SMYD3: variants seen among roughly 807,000 people sequenced by gnomAD.
SMYD3 encodes histone-lysine N-methyltransferase SMYD3.
In SMYD3, 36 loss-of-function variants were observed where a neutral mutation model predicts 57.7. The ratio of observed to expected loss-of-function variants is 0.62; its 90% CI spans 0.48 to 0.82. The LOEUF (loss-of-function observed/expected upper bound fraction) is 0.82. Ranked by LOEUF, SMYD3 falls within the 40% of genes least tolerant of loss-of-function variation. The probability of loss-of-function intolerance (pLI) is 0.00; values close to 1 mark genes in which losing one functional copy is unlikely to be tolerated. For synonymous variants in SMYD3, 211 were observed against 195.0 expected (o/e 1.08, Z -0.68); for missense variants, 515 against 538.8 (o/e 0.96, Z 0.44).
intron 10 of SMYD3, among the ~76,000 whole-genome samples, chr1:245,829,580 G>A (rs2049715063): frequency 6.6e-6 from 1 of 152,130 alleles, no homozygotes; most frequent in South Asian, 2.1e-4. Context: ...AAAGCAGTTT[G>A]GCAGTTCCTC....
At chr1:246,342,346 T>C (rs2065646030) in intron 2 of SMYD3, among the ~76,000 whole-genome samples, 2 of 152,174 alleles carry the variant, frequency 1.3e-5, no homozygotes, top group African/African-American at 4.8e-5. Flanking sequence ...CCACGCAACT[T>C]GCAGGAAATA....
intron 5 of SMYD3, among the ~76,000 whole-genome samples, chr1:246,002,334 GC>G (rs1490564918): frequency 1.5e-5 from 1 of 65,844 alleles, no homozygotes; most frequent in South Asian, 5.2e-4. Flanking sequence ...GCAGGCTCCC[GC>G]CACCACGCCC....
chr1:246,443,974 C>T (rs888521222), intron 1 of SMYD3, among the ~76,000 whole-genome samples: 1 of 152,154 alleles, frequency 6.6e-6, no homozygotes, highest in Admixed American at 6.6e-5. Context: ...CCACCCATCA[C>T]CACCACAGAC....
intron 1 of SMYD3, among the ~76,000 whole-genome samples, chr1:246,414,466 G>C (rs1229086936): frequency 6.6e-6 from 1 of 152,118 alleles, no homozygotes; most frequent in Non-Finnish European, 1.5e-5. Flanking sequence ...TCTCTACAAG[G>C]TTAAGGTTTG....
chr1:245,762,705 C>T (rs988773642), intron 11 of SMYD3, among the ~76,000 whole-genome samples: 4 of 152,206 alleles, frequency 2.6e-5, no homozygotes, highest in Non-Finnish European at 4.4e-5. Context: ...GGCTAGCATT[C>T]GGCGAAAATG....
intron 5 of SMYD3, among the ~76,000 whole-genome samples, chr1:246,210,314 A>G (rs760270823): frequency 1.3e-5 from 2 of 152,214 alleles, no homozygotes; most frequent in African/African-American, 2.4e-5. Context: ...AGAGATGCCA[A>G]GCTCTTAAGT....
intron 5 of SMYD3, among the ~76,000 whole-genome samples, chr1:245,931,993 T>C (rs189730676): frequency 4.8e-4 from 73 of 152,364 alleles, no homozygotes; most frequent in African/African-American, 1.6e-3. Flanking sequence ...TGTCTATATA[T>C]ACTTATGTAT....
intron 5 of SMYD3, among the ~76,000 whole-genome samples, chr1:246,107,028 G>T (rs1040790526): frequency 1.3e-5 from 2 of 152,086 alleles, no homozygotes; most frequent in Admixed American, 1.3e-4. Flanking sequence ...GGCCGGGCAC[G>T]GTGGCTCACG....
At chr1:246,429,490 A>C (rs1358373516) in intron 1 of SMYD3, among the ~76,000 whole-genome samples, 1 of 152,216 alleles carries the variant, frequency 6.6e-6, no homozygotes, top group Non-Finnish European at 1.5e-5. Flanking sequence ...ATAAAACAAA[A>C]ATATGAAGTG....
rs368850689 is a variant in SMYD3 at position 245,810,226 on chromosome 1, C to T, written c.1077-46077G>A. Among the ~76,000 whole-genome samples the T allele has an allele frequency of 3.3e-5, 5 of 152,276 alleles. No individual in the cohort carries two copies. In the South Asian group the frequency reaches 1.0e-3, roughly 32 times the overall value. The stretch of plus-strand genomic sequence containing the variant: ...CTCTCTTGCTAGGTGAGGCCTCTCA[C>T]CCAACAGGCTGGGAGAGGCTGTCAC... On this transcript the variant is annotated intron_variant, in intron 10 of 11. Transcript: ENST00000490107.
chr1:245,871,816 T>A (rs12744526), intron 8 of SMYD3, among the ~76,000 whole-genome samples: 1 of 151,908 alleles, frequency 6.6e-6, no homozygotes, highest in African/African-American at 2.4e-5. Flanking sequence ...CACAGTGGCC[T>A]GAGTTTTCAA....
At chr1:245,873,042 A>G (rs1572562750) in intron 8 of SMYD3, among the ~76,000 whole-genome samples, 1 of 151,990 alleles carries the variant, frequency 6.6e-6, no homozygotes, top group Admixed American at 6.6e-5. Flanking sequence ...GAGAATAAAA[A>G]CAGCATCTAC....
chr1:246,313,413 T>C (rs987438069), intron 5 of SMYD3, among the ~76,000 whole-genome samples: 1 of 152,198 alleles, frequency 6.6e-6, no homozygotes, highest in Non-Finnish European at 1.5e-5. Context: ...CACACACGCC[T>C]CTGCAGATGC....
At chr1:245,844,359 G>T (rs1383423943) in intron 10 of SMYD3, among the ~76,000 whole-genome samples, 1 of 149,840 alleles carries the variant, frequency 6.7e-6, no homozygotes, top group Non-Finnish European at 1.5e-5. Context: ...GCAGCCTAAG[G>T]TTGGATTAGC....
Position 245,793,059 on chromosome 1 carries a change from C to T in SMYD3, c.1077-28910G>A, listed in dbSNP as rs577865846. The stretch of plus-strand genomic sequence containing the variant: ...GGCACAGTGGCTCATGCCTGTAATC[C>T]CAGCACTTTGGGAGGCCGAGGCGGG... On this transcript the variant is annotated intron_variant, in intron 10 of 11. Coordinates refer to ENST00000490107, the MANE Select transcript of SMYD3 (RefSeq NM_001167740.2). 1.3e-3 allele frequency among the ~76,000 whole-genome samples: 163 copies of T among 124,374 alleles called. 1 individual carries two copies. Among genetic ancestry groups the T allele is most frequent in the Non-Finnish European group, 2.2e-3 (130 of 59,538 alleles). The allele number at this position is 124,374 out of a possible 152,430, so 81.6% of individuals were successfully genotyped here. A position where few individuals can be genotyped will look rare whatever the true frequency, so the allele number is the denominator to read the frequency against.
intron 1 of SMYD3, among the ~76,000 whole-genome samples, chr1:246,395,664 C>CA (rs2066651211): frequency 1.2e-5 from 1 of 82,580 alleles, no homozygotes; most frequent in African/African-American, 3.9e-5. Flanking sequence ...GGAAGACGAA[C>CA]CCACCACAGT....
chr1:246,060,006 G>T (rs2060222904), intron 5 of SMYD3, among the ~76,000 whole-genome samples: 1 of 152,254 alleles, frequency 6.6e-6, no homozygotes, highest in East Asian at 1.9e-4. Flanking sequence ...AAGTTGGCGG[G>T]GCATAATGGC....
chr1:246,113,829 G>A (rs2061295782), intron 5 of SMYD3: 1 of 152,204 alleles, frequency 6.6e-6, no homozygotes, highest in Non-Finnish European at 1.5e-5. Flanking sequence ...TTTAGAAAAA[G>A]AGTGTGGGTA....
At chr1:246,135,003 G>C (rs2061646595) in intron 5 of SMYD3, among the ~76,000 whole-genome samples, 1 of 149,582 alleles carries the variant, frequency 6.7e-6, no homozygotes, top group Non-Finnish European at 1.5e-5. Flanking sequence ...TAGTGCTGAA[G>C]TAGGCAGGAA....
Sources: gnomAD v4.1 joint callset for allele counts (sites outside exome capture counted in the v4.1 genomes callset) on GRCh38, gnomAD v4.1.1 for gene constraint, MANE v1.5 for transcripts, NCBI Gene and HGNC (gene_info 2026-07-23, HGNC 2026-07-21) for gene names.